The following LMNB2 variants were observed in gnomAD, a reference collection of about 807,000 sequenced individuals.
LMNB2 encodes lamin-B2.
Under a neutral mutation model 69.3 loss-of-function variants are expected in LMNB2, and 17 were observed. The observed-to-expected ratio is 0.25, with a 90% CI of 0.17 to 0.37. The LOEUF (loss-of-function observed/expected upper bound fraction) is 0.37, where lower values mean the gene tolerates loss of function less well. Among genes scored for constraint, LMNB2 ranks in the 10% least tolerant of loss-of-function variants. The probability of loss-of-function intolerance (pLI) is 1.00; values close to 1 mark genes in which losing one functional copy is unlikely to be tolerated. For synonymous variants in LMNB2, 397 were observed against 389.3 expected (o/e 1.02, Z -0.23); for missense variants, 789 against 883.6 (o/e 0.89, Z 1.36).
At chr19:2,444,352 A>G (rs1599338036) in intron 2 of LMNB2, 52 bp downstream of exon 2, 1 of 1,609,624 alleles carries the variant, frequency 6.2e-7, no homozygotes, top group Admixed American at 1.7e-5. Flanking sequence ...GCCCCCGTCC[A>G]CCCCGTGGTG....
At position 2,454,450 on chromosome 19, in the gene LMNB2, C is replaced by A. The variant is rs114946443; in HGVS notation, c.264+2220G>T. 1.8e-3 allele frequency among the ~76,000 whole-genome samples: 268 copies of A among 152,174 alleles called. 1 individual carries two copies. Among genetic ancestry groups the A allele is most frequent in the African/African-American group, 6.0e-3 (247 of 41,512 alleles). On this transcript the variant is annotated intron_variant, in intron 1 of 11. Transcript: ENST00000325327. ...CAGGGAGCTACTGAACAAAAGTTAA[C>A]CTGCTGTGGCCCCACACACAAGTAA...
At position 2,431,619 on chromosome 19, in the gene LMNB2, G is replaced by T. The variant is rs201873197; in HGVS notation, c.1750C>A (p.Arg584Ser). 5 of 1,614,030 alleles carry T rather than the reference G, an allele frequency of 3.1e-6. No homozygotes were observed. In the South Asian group the frequency reaches 5.5e-5, roughly 18 times the overall value. The change falls in exon 11 of 12, where the codon CGT becomes AGT. Residue 584 changes from arginine (R) to serine (S), a missense_variant. Physicochemically the swap from Arg to Ser is moderately radical, Grantham distance 110 (BLOSUM62 -1). Coordinates refer to ENST00000325327, the MANE Select transcript of LMNB2 (RefSeq NM_032737.4). ...TCTTCCTCCCCATTCTCATTCTCAC[G>T]CATCACCGAGGACTTCTTCACAGTC... ...MRTVKKSSVM[R>S]ENENGEEEEE...
At chr19:2,436,566 C>T (rs1447729596) in intron 4 of LMNB2, among the ~76,000 whole-genome samples, 4 of 149,418 alleles carry the variant, frequency 2.7e-5, no homozygotes, top group Admixed American at 6.7e-5. Flanking sequence ...GCCGCCCTCC[C>T]GCCTTCACGG....
chr19:2,435,938 C>T (rs1971816976), intron 4 of LMNB2, among the ~76,000 whole-genome samples: 1 of 152,158 alleles, frequency 6.6e-6, no homozygotes, highest in Non-Finnish European at 1.5e-5. Flanking sequence ...ATCACGAGGT[C>T]AGGAGTTCGA....
At chr19:2,439,676 G>A (rs1971871012) in intron 2 of LMNB2, among the ~76,000 whole-genome samples, 1 of 151,986 alleles carries the variant, frequency 6.6e-6, no homozygotes, top group South Asian at 2.1e-4. Context: ...CGTGGCCAGA[G>A]GTCAGAAGTG....
rs765666579 is a variant in LMNB2 at position 2,438,215 on chromosome 19, C to A, written c.632G>T (p.Arg211Leu). Residue 211 changes from arginine (R) to leucine (L), a missense_variant, in exon 4 of 12, where the codon CGC becomes CTC. By Grantham distance (102) the Arg-to-Leu change is moderately radical. This residue lies in a region of LMNB2 where 609 missense variants were observed against 630.9 expected (regional missense o/e 0.97). Coordinates refer to ENST00000325327, the MANE Select transcript of LMNB2 (RefSeq NM_032737.4). ...CAGCTCCTCCTGCAGGCTCTGGCAG[C>A]GGTTCTCCAGGTCCACACGCATCAG... is the stretch of plus-strand genomic sequence containing the variant. ...ETLMRVDLEN[R>L]CQSLQEELDF... 4 of 1,613,948 alleles carry A rather than the reference C, an allele frequency of 2.5e-6. No individual in the cohort carries two copies. Among genetic ancestry groups the A allele is most frequent in the Non-Finnish European group, 3.4e-6 (4 of 1,180,052 alleles).
chr19:2,451,067 C>T (rs1022835245), intron 1 of LMNB2, among the ~76,000 whole-genome samples: 6 of 152,002 alleles, frequency 3.9e-5, no homozygotes, highest in African/African-American at 1.4e-4. Context: ...ATGGTGAAAC[C>T]CCATCTCTGC....
intron 2 of LMNB2, among the ~76,000 whole-genome samples, chr19:2,438,773 G>A (rs1194853742): frequency 2.6e-5 from 4 of 152,198 alleles, no homozygotes; most frequent in South Asian, 2.1e-4. Context: ...GACCACCCTG[G>A]AGGCATGGGC....
chr19:2,439,278 G>A (rs1433702328), intron 2 of LMNB2, among the ~76,000 whole-genome samples: 2 of 152,088 alleles, frequency 1.3e-5, no homozygotes, highest in African/African-American at 2.4e-5. Flanking sequence ...AAGAAACAGT[G>A]AGGACACCCA....
intron 1 of LMNB2, among the ~76,000 whole-genome samples, chr19:2,446,823 A>G (rs760205607): frequency 6.6e-6 from 1 of 152,158 alleles, no homozygotes; most frequent in African/African-American, 2.4e-5. Context: ...GAAGACATGA[A>G]ATTCACATCC....
intron 2 of LMNB2, among the ~76,000 whole-genome samples, chr19:2,440,137 T>C (rs1037995802): frequency 1.3e-5 from 2 of 152,016 alleles, no homozygotes; most frequent in African/African-American, 2.4e-5. Flanking sequence ...CATCAATAAC[T>C]GTATTTATCT....
intron 2 of LMNB2, among the ~76,000 whole-genome samples, chr19:2,439,738 T>TA (rs1368686125): frequency 7.1e-6 from 1 of 141,582 alleles, no homozygotes; most frequent in East Asian, 2.0e-4. Context: ...CCCTAGAGCC[T>TA]TTTTTTTTTT....
In LMNB2 at chr19:2,430,225, C is replaced by T. The variant is rs1195949379; in HGVS notation, c.*686G>A. On this transcript the variant is annotated 3_prime_UTR_variant, in exon 12 of 12. Transcript: ENST00000325327. ...TCCCCAGGTCTTCCCCTCCCCTGCC[C>T]TGTTGGCCTTGCACAGTCAGGAACT... is the stretch of plus-strand genomic sequence containing the variant. The T allele has an allele frequency of 6.2e-6, 1 of 160,766 alleles. No homozygotes were observed. The highest frequency in any genetic ancestry group is 1.8e-4 in the East Asian group (1 of 5,584). The allele number at this position is 160,766 out of a possible 1,614,324, so 10.0% of individuals were successfully genotyped here.
At chr19:2,439,542 T>C (rs949815790) in intron 2 of LMNB2, among the ~76,000 whole-genome samples, 1 of 152,038 alleles carries the variant, frequency 6.6e-6, no homozygotes, top group African/African-American at 2.4e-5. Flanking sequence ...TCCCCAGGAA[T>C]CACCCAGTGT....
intron 1 of LMNB2, among the ~76,000 whole-genome samples, chr19:2,454,629 G>A (rs1211266843): frequency 1.3e-5 from 2 of 152,066 alleles, no homozygotes; most frequent in Non-Finnish European, 2.9e-5. Flanking sequence ...AGCCCACCAC[G>A]TCCTCTGATC....
rs376515364 is a variant in LMNB2 at position 2,440,283 on chromosome 19, C to A, written c.402-1752G>T. ...TCGGTTCACTGCAACCTCCACCTCCCGGGTTCAAGCGATTCTCCTCCCTCA... is the reference window on the plus strand; with the variant it reads ...TCGGTTCACTGCAACCTCCACCTCCAGGGTTCAAGCGATTCTCCTCCCTCA... On this transcript the variant is annotated intron_variant, in intron 2 of 11. Transcript: ENST00000325327. Among the ~76,000 whole-genome samples, 5 of 151,892 alleles carry A rather than the reference C, an allele frequency of 3.3e-5. No individual in the cohort carries two copies. In the South Asian group the frequency reaches 1.0e-3, roughly 32 times the overall value.
rs772252986 is a variant in LMNB2, at chr19:2,434,490, C to T, written c.1007G>A (p.Arg336Gln). The change falls in exon 7 of 12, where the codon CGG becomes CAG. Residue 336 changes from arginine (R) to glutamine (Q), a missense_variant. Physicochemically the swap from Arg to Gln is conservative, Grantham distance 43. This residue lies in a region of LMNB2 where 609 missense variants were observed against 630.9 expected (regional missense o/e 0.97). Coordinates refer to ENST00000325327, the MANE Select transcript of LMNB2 (RefSeq NM_032737.4). ...KQASAAEDRI[R>Q]ELEEAMAGER... ...CCCGGCCATGGCCTCCTCCAGCTCCCGAATGCGATCTTCAGCGGCACTGGC... is the reference window on the plus strand; with the variant it reads ...CCCGGCCATGGCCTCCTCCAGCTCCTGAATGCGATCTTCAGCGGCACTGGC... The T allele has an allele frequency of 9.3e-6, 15 of 1,613,000 alleles. No homozygotes were observed. The highest frequency in any genetic ancestry group is 2.7e-5 in the African/African-American group (2 of 75,050).
At chr19:2,440,198 T>C (rs1185198786) in intron 2 of LMNB2, among the ~76,000 whole-genome samples, 1 of 151,764 alleles carries the variant, frequency 6.6e-6, no homozygotes, top group African/African-American at 2.4e-5. Context: ...GTATCTTTTT[T>C]TTTTTTTTTG....
chr19:2,450,645 C>G (rs989245964), intron 1 of LMNB2, among the ~76,000 whole-genome samples: 1 of 151,788 alleles, frequency 6.6e-6, no homozygotes, highest in Non-Finnish European at 1.5e-5. Context: ...CATTGCATTC[C>G]AGCCTGGGCG....
Sources: gnomAD v4.1 joint callset for allele counts (sites outside exome capture counted in the v4.1 genomes callset) on GRCh38, gnomAD v4.1.1 for gene constraint, gnomAD v4.1.1 regional missense constraint, MANE v1.5 for transcripts, NCBI Gene and HGNC (gene_info 2026-07-23, HGNC 2026-07-21) for gene names.